ITGA4: variants seen among roughly 807,000 people sequenced by gnomAD.
The protein encoded by ITGA4 is integrin alpha-4.
In ITGA4, 63 loss-of-function variants were observed where a neutral mutation model predicts 133.6. The ratio of observed to expected loss-of-function variants is 0.47; its 90% CI spans 0.38 to 0.58. ITGA4 has a LOEUF of 0.58. ITGA4 is among the 20% of genes least tolerant of loss of function. The pLI is 0.00. For synonymous variants in ITGA4, 483 were observed against 438.0 expected, an observed-to-expected ratio of 1.10 and a Z score of -1.28; for missense variants, 1,076 against 1,252.7, an observed-to-expected ratio of 0.86 and a Z score of 2.13.
At chr2:181,480,011 A>G in intron 5 of ITGA4, 126 bp from the exon 6 acceptor site, 1 of 586,330 alleles carries the variant, frequency 1.7e-6, no homozygotes, top group Non-Finnish European at 2.6e-6. Context: ...TTTTAACTTC[A>G]CAGAATATTC....
In ITGA4 at chr2:181,537,545, T is replaced by C. The variant is rs1283758610; in HGVS notation, c.*2018T>C. The C allele has an allele frequency of 2.3e-6, 1 of 444,228 alleles. No homozygotes were observed. The highest frequency in any genetic ancestry group is 2.4e-5 in the Admixed American group (1 of 41,336). The allele number at this position is 444,228 out of a possible 1,614,324, so 27.5% of individuals were successfully genotyped here. On this transcript the variant is annotated 3_prime_UTR_variant, in exon 28 of 28. Transcript: ENST00000397033. ...GATTTTGAAATTTAACTGCTCTGGA[T>C]TAGGGAGCAGTGAATCAAGGCAGAC...
At chr2:181,463,057 G>C (rs1303277480) in intron 2 of ITGA4, among the ~76,000 whole-genome samples, 13 of 152,174 alleles carry the variant, frequency 8.5e-5, no homozygotes, top group Admixed American at 8.5e-4. Flanking sequence ...CATTCCTGAA[G>C]AATTGGTGTT....
At chr2:181,470,195 A>T (rs761562588) in intron 2 of ITGA4, among the ~76,000 whole-genome samples, 14 of 152,302 alleles carry the variant, frequency 9.2e-5, no homozygotes, top group Admixed American at 3.3e-4. Context: ...TTAAAAATAG[A>T]ACTATTACAA....
Position 181,537,205 on chromosome 2 carries a change from G to A in ITGA4, c.*1678G>A, listed in dbSNP as rs200370399. ...GATCATAGATGAAAAATCAAGCCCCGATTTAGAACTGTCTTCTCCAGGATG... is the reference window on the plus strand; with the variant it reads ...GATCATAGATGAAAAATCAAGCCCCAATTTAGAACTGTCTTCTCCAGGATG... On this transcript the variant is annotated 3_prime_UTR_variant, in exon 28 of 28. Transcript: ENST00000397033. 135 of 452,928 alleles carry A rather than the reference G, an allele frequency of 3.0e-4. 1 individual carries two copies. Among genetic ancestry groups the A allele is most frequent in the Middle Eastern group, 2.7e-3 (4 of 1,466 alleles). 28.1% of individuals were successfully genotyped at this position (452,928 alleles called of 1,614,324 possible).
chr2:181,524,494 T>A, intron 20 of ITGA4: 3 of 367,844 alleles, frequency 8.2e-6, no homozygotes, highest in Non-Finnish European at 1.4e-5. Context: ...CGAATCAAAC[T>A]GTGTATTTGA....
intron 15 of ITGA4, among the ~76,000 whole-genome samples, chr2:181,507,891 T>C (rs1251063236): frequency 2.0e-5 from 3 of 152,118 alleles, no homozygotes; most frequent in Non-Finnish European, 2.9e-5. Flanking sequence ...TTTGTTTTCA[T>C]AGACTTGAGA....
chr2:181,526,264 T>A (rs1452619940), intron 21 of ITGA4, among the ~76,000 whole-genome samples: 1 of 152,220 alleles, frequency 6.6e-6, no homozygotes, highest in Non-Finnish European at 1.5e-5. Context: ...ATGATGAGTG[T>A]CTTCCTATTT....
At chr2:181,529,945 T>C (rs1464411828) in intron 23 of ITGA4, among the ~76,000 whole-genome samples, 1 of 152,244 alleles carries the variant, frequency 6.6e-6, no homozygotes, top group East Asian at 1.9e-4. Flanking sequence ...GATATGGACC[T>C]ATAGAGGTAA....
chr2:181,465,982 C>T lies in ITGA4; in HGVS notation c.319+7665C>T, dbSNP rs754571026. On this transcript the variant is annotated intron_variant, in intron 2 of 27. Transcript: ENST00000397033. ...TATTAAAACTGTGGTACGTAGTAAG[C>T]ATGCAATAAGTATTAGTAATTAGAG... Among the ~76,000 whole-genome samples, 12 of 152,094 alleles carry T rather than the reference C, an allele frequency of 7.9e-5. No homozygotes were observed. The South Asian group carries it at 1.7e-3, about 21-fold the overall frequency.
chr2:181,495,363 T>C lies in ITGA4; in HGVS notation c.1340-8T>C. On this transcript the variant is annotated splice_polypyrimidine_tract_variant and splice_region_variant and intron_variant, in intron 12 of 27. Coordinates refer to ENST00000397033, the MANE Select transcript of ITGA4 (RefSeq NM_000885.6). The surrounding 1 kb of genome is among the most constrained non-coding windows in gnomAD (Gnocchi z 4.3). The stretch of plus-strand genomic sequence containing the variant: ...GATCATTAATCTGTGTTGTTTTTTA[T>C]CCTCCAGATGTAGCAGTTGGTGCTT... The C allele has an allele frequency of 6.2e-7, 1 of 1,606,256 alleles. No individual in the cohort carries two copies. The highest frequency in any genetic ancestry group is 8.5e-7 in the Non-Finnish European group (1 of 1,172,994).
Position 181,538,368 on chromosome 2 carries a change from C to T in ITGA4, c.*2841C>T, listed in dbSNP as rs1197120495. 3.2e-6 allele frequency: 2 copies of T among 631,754 alleles called. No individual in the cohort carries two copies. The highest frequency in any genetic ancestry group is 5.8e-6 in the Non-Finnish European group (2 of 347,648). The allele number at this position is 631,754 out of a possible 1,614,324, so 39.1% of individuals were successfully genotyped here. On this transcript the variant is annotated 3_prime_UTR_variant, in exon 28 of 28. Transcript: ENST00000397033. ...AACAAACACAGCATTCCCAACAGAG[C>T]TGTAATCTAGAAAACTGAGAAGGTC...
chr2:181,532,724 A>G (rs1686968631), intron 25 of ITGA4, among the ~76,000 whole-genome samples: 2 of 152,154 alleles, frequency 1.3e-5, no homozygotes, highest in Admixed American at 6.5e-5. Context: ...CTATTTGAAT[A>G]CCCTTTGTTG....
At chr2:181,520,251 C>T (rs1003687185) in intron 17 of ITGA4, among the ~76,000 whole-genome samples, 9 of 152,052 alleles carry the variant, frequency 5.9e-5, no homozygotes, top group African/African-American at 1.2e-4. Flanking sequence ...AATAAGTACA[C>T]GTCAGATGCA....
Position 181,509,731 on chromosome 2 carries a change from A to T in ITGA4, c.1769A>T (p.Lys590Ile). Residue 590 changes from lysine (K) to isoleucine (I), a missense_variant, in exon 16 of 28, where the codon AAA becomes ATA. By Grantham distance (102) the Lys-to-Ile change is moderately radical. Around this residue, in one of 4 missense-constraint regions of ITGA4, gnomAD observed 365 missense variants for 421.4 expected, o/e 0.87. Coordinates refer to ENST00000397033, the MANE Select transcript of ITGA4 (RefSeq NM_000885.6). ...CACCTTGGTCCTCATGTCATCAGTAAACGAAGTACAGAGGAATTCCCACCA... is the reference window on the plus strand; with the variant it reads ...CACCTTGGTCCTCATGTCATCAGTATACGAAGTACAGAGGAATTCCCACCA... Reference protein sequence around the residue: ...AYHLGPHVISKRSTEEFPPLQ... With the variant: ...AYHLGPHVISIRSTEEFPPLQ... The T allele has an allele frequency of 6.2e-7, 1 of 1,611,866 alleles. No individual in the cohort carries two copies. Among genetic ancestry groups the T allele is most frequent in the Non-Finnish European group, 8.5e-7 (1 of 1,178,594 alleles).
rs190717667 is a variant in ITGA4 at position 181,513,457 on chromosome 2, C to T, written c.1922+1682C>T. Among the ~76,000 whole-genome samples the T allele has an allele frequency of 2.1e-3, 316 of 152,136 alleles. 2 individuals are homozygous for T. The Middle Eastern group carries it at 0.024, about 11-fold the overall frequency. On this transcript the variant is annotated intron_variant, in intron 17 of 27. Coordinates refer to ENST00000397033, the MANE Select transcript of ITGA4 (RefSeq NM_000885.6). ...TTCTGATATCCAGAATTATTAAGTA[C>T]TACAATACTACCACCTAGATGTCTT...
chr2:181,457,892 C>G (rs774109325), intron 1 of ITGA4, 41 bp downstream of exon 1: 1 of 1,543,094 alleles, frequency 6.5e-7, no homozygotes, highest in East Asian at 2.3e-5. Context: ...CAGCTCAGAG[C>G]GGCGTGAGAA....
chr2:181,532,775 T>G (rs548016848), intron 25 of ITGA4, among the ~76,000 whole-genome samples: 3 of 152,214 alleles, frequency 2.0e-5, no homozygotes, highest in Admixed American at 6.5e-5. Flanking sequence ...CTTCCAATAC[T>G]GTGTTGAATA....
In ITGA4 at chr2:181,538,897, C is replaced by T. The variant is rs146031366; in HGVS notation, c.*3370C>T. Among the ~76,000 whole-genome samples the T allele has an allele frequency of 3.8e-3, 572 of 152,266 alleles. 6 individuals carry two copies. The highest frequency in any genetic ancestry group is 0.013 in the African/African-American group (548 of 41,570). On this transcript the variant is annotated 3_prime_UTR_variant, in exon 28 of 28. Transcript: ENST00000397033. ...AACCAAAGAAAATGCCTTGGGTCTA[C>T]ATAACAGTTGAATAAATGTAAAGTT...
chr2:181,529,016 C>T (rs569058917), intron 22 of ITGA4, among the ~76,000 whole-genome samples: 1 of 152,336 alleles, frequency 6.6e-6, no homozygotes, highest in Non-Finnish European at 1.5e-5. Flanking sequence ...TATTCACTTT[C>T]TCCTGCTGAT....
Sources: allele counts gnomAD v4.1 joint callset (sites outside exome capture counted in the v4.1 genomes callset), GRCh38; gene constraint gnomAD v4.1.1; regional missense constraint gnomAD v4.1.1; non-coding constraint Gnocchi (gnomAD v3.1); transcripts MANE v1.5; gene names NCBI Gene and HGNC (gene_info 2026-07-23, HGNC 2026-07-21).